Variants in EFNA5 observed in about 807,000 individuals in gnomAD.
EFNA5 encodes ephrin A5, also known as ephrin-A5.
EFNA5 carries 5 observed loss-of-function variants against 22.9 expected under a neutral mutation model. The ratio of observed to expected loss-of-function variants is 0.22; its 90% confidence interval spans 0.11 to 0.46. The LOEUF is 0.46. Ranked by LOEUF, EFNA5 falls within the 20% of genes least tolerant of loss-of-function variation. The pLI, the probability that EFNA5 is intolerant of heterozygous loss-of-function variation, is 0.99. For missense variants in EFNA5, 237 were observed against 293.3 expected (o/e 0.81, Z 1.40); for synonymous variants, 113 against 112.2 (o/e 1.01, Z -0.04).
At chr5:107,509,204 A>G (rs1359437480) in intron 1 of EFNA5, among the ~76,000 whole-genome samples, 2 of 152,232 alleles carry the variant, frequency 1.3e-5, no homozygotes, top group Non-Finnish European at 2.9e-5. Context: ...AATACATAAG[A>G]GCAGATGTCT....
At chr5:107,650,226 G>A (rs930801334) in intron 1 of EFNA5, among the ~76,000 whole-genome samples, 3 of 152,134 alleles carry the variant, frequency 2.0e-5, no homozygotes, top group African/African-American at 7.2e-5. Context: ...TTGCAGACAC[G>A]CAATTCAACG....
At chr5:107,638,006 C>T (rs1750419798) in intron 1 of EFNA5, among the ~76,000 whole-genome samples, 1 of 134,276 alleles carries the variant, frequency 7.4e-6, no homozygotes. Context: ...GCCACCACGC[C>T]TGGCTAATTT....
intron 1 of EFNA5, among the ~76,000 whole-genome samples, chr5:107,551,289 TG>T: frequency 6.6e-6 from 1 of 152,310 alleles, no homozygotes. Context: ...TGCCAGTGTT[TG>T]TTTGAAGGCC....
chr5:107,660,728 G>C (rs1336692147), intron 1 of EFNA5, among the ~76,000 whole-genome samples: 1 of 152,050 alleles, frequency 6.6e-6, no homozygotes, highest in Non-Finnish European at 1.5e-5. Flanking sequence ...CCAAGTTGCT[G>C]CAATGGCAGA....
chr5:107,569,364 C>T (rs189520), intron 1 of EFNA5, among the ~76,000 whole-genome samples: 94,655 of 140,026 alleles, frequency 0.68, 33,092 homozygotes, highest in African/African-American at 0.89. Context: ...AATATATATA[C>T]GTGTATATAT....
rs112775523 is a variant in EFNA5, at chr5:107,619,698, G to C, written c.125+50791C>G. On this transcript the variant is annotated intron_variant, in intron 1 of 4. Coordinates refer to ENST00000333274, the MANE Select transcript of EFNA5 (RefSeq NM_001962.3). ...AGGCTGGTCTTGAACTCCTGGCCTT[G>C]TGATCCGCCCACCTCAGCCTCCCAA... 5.9e-3 allele frequency among the ~76,000 whole-genome samples: 894 copies of C among 152,144 alleles called. 8 individuals are homozygous for C. Among genetic ancestry groups the C allele is most frequent in the African/African-American group, 0.021 (855 of 41,490 alleles).
At chr5:107,449,369 T>TA (rs200366690) in intron 1 of EFNA5, among the ~76,000 whole-genome samples, 40,262 of 142,478 alleles carry the variant, frequency 0.28, 5,749 homozygotes, top group East Asian at 0.47. Flanking sequence ...GCTAAAACCA[T>TA]AAAAAAAAAA....
chr5:107,436,092 G>A (rs759976403), intron 1 of EFNA5, among the ~76,000 whole-genome samples: 1 of 152,108 alleles, frequency 6.6e-6, no homozygotes, highest in Non-Finnish European at 1.5e-5. Context: ...CATAGCTTTT[G>A]CCTGTTGCTT....
At chr5:107,630,405 G>A (rs533364127) in intron 1 of EFNA5, among the ~76,000 whole-genome samples, 4 of 152,280 alleles carry the variant, frequency 2.6e-5, no homozygotes, top group Admixed American at 2.6e-4. Context: ...GCAAGTTCCT[G>A]TTCTGAACAC....
chr5:107,399,703 C>G (rs1200270009), intron 2 of EFNA5, among the ~76,000 whole-genome samples: 4 of 152,180 alleles, frequency 2.6e-5, no homozygotes, highest in Non-Finnish European at 5.9e-5. Context: ...TCAGATGTTA[C>G]ATGAGAACAT....
At chr5:107,546,763 C>T (rs1748167660) in intron 1 of EFNA5, among the ~76,000 whole-genome samples, 1 of 151,778 alleles carries the variant, frequency 6.6e-6, no homozygotes, top group Non-Finnish European at 1.5e-5. Flanking sequence ...TTGCCATATG[C>T]CTTTCCTGTC....
At chr5:107,617,433 C>G (rs1036732088) in intron 1 of EFNA5, among the ~76,000 whole-genome samples, 1 of 152,092 alleles carries the variant, frequency 6.6e-6, no homozygotes, top group Non-Finnish European at 1.5e-5. Context: ...AGATTTCTGC[C>G]TGTTTTGGGG....
intron 1 of EFNA5, among the ~76,000 whole-genome samples, chr5:107,559,539 G>A (rs192869833): frequency 2.0e-5 from 3 of 152,146 alleles, no homozygotes; most frequent in East Asian, 3.9e-4. Flanking sequence ...AATTCATAAC[G>A]AATGCTAACT....
In EFNA5 at chr5:107,378,428, A is replaced by C. The variant is rs886449497; in HGVS notation, c.*2827T>G. 5 of 152,178 alleles carry C rather than the reference A, an allele frequency of 3.3e-5. No homozygotes were observed. Among genetic ancestry groups the C allele is most frequent in the Non-Finnish European group, 7.3e-5 (5 of 68,046 alleles). 9.4% of individuals were successfully genotyped at this position (152,178 alleles called of 1,614,324 possible). On this transcript the variant is annotated 3_prime_UTR_variant, in exon 5 of 5. Transcript: ENST00000333274. ...TGAGTGGCAGCTATGACTGTCCTTC[A>C]GATTTTTGAGTTGTTTTTGAAATTA...
chr5:107,466,745 T>C (rs1749996248), intron 1 of EFNA5, among the ~76,000 whole-genome samples: 1 of 152,034 alleles, frequency 6.6e-6, no homozygotes, highest in East Asian at 1.9e-4. Context: ...GTGAGTCTGG[T>C]AGGTGAGATG....
chr5:107,656,642 T>G (rs1299437630), intron 1 of EFNA5, among the ~76,000 whole-genome samples: 1 of 152,156 alleles, frequency 6.6e-6, no homozygotes, highest in East Asian at 1.9e-4. Context: ...CCCCAATTTA[T>G]TGAAGTATGA....
intron 1 of EFNA5, among the ~76,000 whole-genome samples, chr5:107,500,875 A>AAC (rs1214109170): frequency 1.3e-5 from 2 of 151,752 alleles, no homozygotes; most frequent in Non-Finnish European, 2.9e-5. Flanking sequence ...ATTCATTAAA[A>AAC]AAAAACAAAA....
At chr5:107,572,242 G>C (rs1206441464) in intron 1 of EFNA5, among the ~76,000 whole-genome samples, 1 of 151,970 alleles carries the variant, frequency 6.6e-6, no homozygotes, top group South Asian at 2.1e-4. Flanking sequence ...GCGCCAGACA[G>C]CCCTCGGAGC....
chr5:107,532,251 A>C (rs1266958008), intron 1 of EFNA5, among the ~76,000 whole-genome samples: 1 of 152,168 alleles, frequency 6.6e-6, no homozygotes, highest in Non-Finnish European at 1.5e-5. Context: ...ATTAGTGGAG[A>C]GCTTTGACTA....
Sources: allele counts gnomAD v4.1 joint callset (sites outside exome capture counted in the v4.1 genomes callset), GRCh38; gene constraint gnomAD v4.1.1; transcripts MANE v1.5; gene names NCBI Gene and HGNC (gene_info 2026-07-23, HGNC 2026-07-21).